The following PRDM2 variants were observed in gnomAD, a reference collection of about 807,000 sequenced individuals.
PRDM2 encodes PR domain zinc finger protein 2.
PRDM2 carries 30 observed loss-of-function variants against 130.0 expected under a neutral mutation model. The ratio of observed to expected loss-of-function variants is 0.23; its 90% CI spans 0.17 to 0.31. The LOEUF (loss-of-function observed/expected upper bound fraction) is 0.31. Among genes scored for constraint, PRDM2 ranks in the 10% least tolerant of loss-of-function variants. PRDM2 has a pLI of 1.00. For synonymous variants in PRDM2, 871 were observed against 782.4 expected, an observed-to-expected ratio of 1.11 and a Z score of -1.89; for missense variants, 2,011 against 2,108.4, an observed-to-expected ratio of 0.95 and a Z score of 0.90.
intron 4 of PRDM2, among the ~76,000 whole-genome samples, chr1:13,736,177 G>A (rs1449390347): frequency 6.8e-6 from 1 of 147,204 alleles, no homozygotes; most frequent in Non-Finnish European, 1.5e-5. Flanking sequence ...GCAGTGGCAT[G>A]TTCACAGCTC....
intron 8 of PRDM2, among the ~76,000 whole-genome samples, chr1:13,797,006 G>T (rs1243222731): frequency 6.6e-6 from 1 of 152,176 alleles, no homozygotes; most frequent in African/African-American, 2.4e-5. Flanking sequence ...AAGTTCCTTA[G>T]TTCTGAAACA....
At chr1:13,760,944 T>C (rs1644083039) in intron 6 of PRDM2, among the ~76,000 whole-genome samples, 1 of 152,232 alleles carries the variant, frequency 6.6e-6, no homozygotes, top group African/African-American at 2.4e-5. Context: ...TGGAGTGAAT[T>C]AAGTGGGTTT....
In PRDM2 at chr1:13,816,352, G is replaced by C. The variant is rs545241609; in HGVS notation, c.5037-75G>C. ...CTGGGAAGTGGTGACCAGCACTAAG[G>C]AAGCCCCCCCAGCAATGTCTAGGGC... On this transcript the variant is annotated intron_variant, in intron 8 of 9. Coordinates refer to ENST00000311066, the MANE Select transcript of PRDM2 (RefSeq NM_001393986.1). The C allele has an allele frequency of 4.5e-5, 71 of 1,568,054 alleles. No homozygotes were observed. The African/African-American group carries it at 7.1e-4, about 16-fold the overall frequency.
chr1:13,743,121 C>T (rs1011465573), intron 5 of PRDM2, among the ~76,000 whole-genome samples: 4 of 152,032 alleles, frequency 2.6e-5, no homozygotes, highest in African/African-American at 7.2e-5. Context: ...CAGATCCGGA[C>T]GGGCGCAGTG....
chr1:13,822,344 C>A (rs532918045), intron 9 of PRDM2, among the ~76,000 whole-genome samples: 1 of 152,140 alleles, frequency 6.6e-6, no homozygotes, highest in Admixed American at 6.5e-5. Flanking sequence ...TGGAAGTTCC[C>A]AGTTGTGGAT....
intron 1 of PRDM2, among the ~76,000 whole-genome samples, chr1:13,706,154 C>T (rs1642205085): frequency 6.6e-6 from 1 of 152,122 alleles, no homozygotes; most frequent in African/African-American, 2.4e-5. Flanking sequence ...GTTCAGTTAG[C>T]TAACATTCTG....
chr1:13,712,054 A>C (rs912179245), intron 1 of PRDM2, among the ~76,000 whole-genome samples: 63 of 116,344 alleles, frequency 5.4e-4, no homozygotes, highest in African/African-American at 4.6e-4. Context: ...ATCTCTACCC[A>C]AAAAAAAAAA....
At chr1:13,723,131 A>G (rs1469742627) in intron 2 of PRDM2, among the ~76,000 whole-genome samples, 2 of 151,954 alleles carry the variant, frequency 1.3e-5, no homozygotes, top group African/African-American at 4.8e-5. Flanking sequence ...TCTCCTTGGC[A>G]TGTTTGCCTG....
Position 13,780,772 on chromosome 1 carries a change from G to A in PRDM2, c.2977G>A (p.Val993Ile), listed in dbSNP as rs150941804. The change falls in exon 8 of 10, where the codon GTA becomes ATA. Residue 993 changes from valine to isoleucine, a missense_variant. This residue lies in a region of PRDM2 where 1,288 missense variants were observed against 1,237.7 expected (regional missense o/e 1.04). Transcript: ENST00000311066. Reference sequence around the variant, plus strand: ...TCCGCCCCCTCCCCTCCTTCCTACCGTACCTCTTCCAGCCCCCTCTTCCAG... The same window carrying A: ...TCCGCCCCCTCCCCTCCTTCCTACCATACCTCTTCCAGCCCCCTCTTCCAG... ...ATPPPPLLPT[V>I]PLPAPSSSAS... 322 of 1,266,416 alleles carry A rather than the reference G, an allele frequency of 2.5e-4. 3 individuals are homozygous for A. The African/African-American group carries it at 5.8e-3, about 23-fold the overall frequency. The allele number at this position is 1,266,416 out of a possible 1,614,324, so 78.4% of individuals were successfully genotyped here.
chr1:13,798,283 G>T (rs1644953718), intron 8 of PRDM2, among the ~76,000 whole-genome samples: 1 of 152,186 alleles, frequency 6.6e-6, no homozygotes, highest in South Asian at 2.1e-4. Flanking sequence ...GACCCTCTTG[G>T]TTTAAAATGT....
At chr1:13,800,849 C>A (rs1481888034) in intron 8 of PRDM2, among the ~76,000 whole-genome samples, 1 of 152,148 alleles carries the variant, frequency 6.6e-6, no homozygotes, top group East Asian at 1.9e-4. Context: ...CCATTGAGCT[C>A]CTGCTCTGTT....
intron 8 of PRDM2, 143 bp downstream of exon 8, chr1:13,782,974 G>A (rs1460524491): frequency 1.6e-5 from 25 of 1,518,136 alleles, no homozygotes; most frequent in Non-Finnish European, 2.2e-5. Flanking sequence ...AAGGCATGAA[G>A]GGTCATTGCT....
chr1:13,761,817 T>G (rs780273096), intron 6 of PRDM2, among the ~76,000 whole-genome samples: 13 of 152,160 alleles, frequency 8.5e-5, no homozygotes, highest in Non-Finnish European at 1.8e-4. Flanking sequence ...CAGCTTACAC[T>G]GTTAGAGCAT....
intron 2 of PRDM2, among the ~76,000 whole-genome samples, chr1:13,729,258 G>T (rs1403282764): frequency 6.6e-6 from 1 of 152,162 alleles, no homozygotes; most frequent in East Asian, 1.9e-4. Context: ...GGAAGTATCC[G>T]TTTAGGTTAG....
In PRDM2 at chr1:13,780,238, T is replaced by C. The variant is rs1273656760; in HGVS notation, c.2443T>C (p.Phe815Leu). 6.2e-7 allele frequency: 1 copy of C among 1,612,772 alleles called. No homozygotes were observed. The highest frequency in any genetic ancestry group is 8.5e-7 in the Non-Finnish European group (1 of 1,179,254). The change falls in exon 8 of 10, where the codon TTT becomes CTT. Residue 815 changes from phenylalanine (F) to leucine (L), a missense_variant. By Grantham distance (22) the Phe-to-Leu change is conservative. Coordinates refer to ENST00000311066, the MANE Select transcript of PRDM2 (RefSeq NM_001393986.1). ...TAAAGAGTGGACAGCTAGTTCTGCT[T>C]TTAGCAGTGTGTGCAACCAGCAGCC... ...MSKEWTASSAFSSVCNQQPLD... is the reference protein window; with the variant it reads ...MSKEWTASSALSSVCNQQPLD...
At chr1:13,709,021 A>T (rs1403928857) in intron 1 of PRDM2, among the ~76,000 whole-genome samples, 2 of 152,204 alleles carry the variant, frequency 1.3e-5, no homozygotes, top group Non-Finnish European at 2.9e-5. Flanking sequence ...GTGAAATTGT[A>T]TTATTTTAGA....
At chr1:13,748,839 G>T (rs758277803) in intron 5 of PRDM2, among the ~76,000 whole-genome samples, 1 of 152,130 alleles carries the variant, frequency 6.6e-6, no homozygotes, top group Non-Finnish European at 1.5e-5. Context: ...GCGGCCTCCC[G>T]TTGGCGGCTC....
intron 5 of PRDM2, among the ~76,000 whole-genome samples, chr1:13,747,962 GTTATGTC>G (rs1160433483): frequency 6.6e-6 from 1 of 152,104 alleles, no homozygotes; most frequent in East Asian, 1.9e-4. Flanking sequence ...ACATTCAGTT[GTTATGTC>G]TTATGTGTTT....
chr1:13,749,303 C>T lies in PRDM2; in HGVS notation c.385-58C>T, dbSNP rs1643725587. ...CGCCCGCGTCCCGGTGCGCGCCCCG[C>T]CCCCGCCAACAACCGCCGCTCTGAT... On this transcript the variant is annotated intron_variant, in intron 5 of 9. Transcript: ENST00000311066. 7 of 1,334,272 alleles carry T rather than the reference C, an allele frequency of 5.2e-6. No individual in the cohort carries two copies. The African/African-American group carries it at 6.2e-5, about 12-fold the overall frequency. 82.7% of individuals were successfully genotyped at this position (1,334,272 alleles called of 1,614,324 possible). A position where few individuals can be genotyped will look rare whatever the true frequency, so the allele number is the denominator to read the frequency against.
Sources: allele counts gnomAD v4.1 joint callset (sites outside exome capture counted in the v4.1 genomes callset), GRCh38; gene constraint gnomAD v4.1.1; regional missense constraint gnomAD v4.1.1; transcripts MANE v1.5; gene names NCBI Gene and HGNC (gene_info 2026-07-23, HGNC 2026-07-21).